The following CADM2 variants were observed in gnomAD, a reference collection of about 807,000 sequenced individuals.
CADM2 encodes the protein cell adhesion molecule 2.
In CADM2, 12 loss-of-function variants were observed where a neutral mutation model predicts 49.8. The ratio of observed to expected loss-of-function variants is 0.24; its 90% CI spans 0.15 to 0.39. CADM2 has a LOEUF of 0.39. CADM2 is among the 10% of genes least tolerant of loss of function. The pLI, the probability that CADM2 is intolerant of heterozygous loss-of-function variation, is 1.00. For missense variants in CADM2, 378 were observed against 492.3 expected (o/e 0.77, Z 2.20); for synonymous variants, 214 against 175.4 (o/e 1.22, Z -1.74).
rs1385723987 is a variant in CADM2, at chr3:85,978,766, G to A, written c.970+17119G>A. Among the ~76,000 whole-genome samples, 3 of 151,470 alleles carry A rather than the reference G, an allele frequency of 2.0e-5. No individual in the cohort carries two copies. In the Admixed American group the frequency reaches 2.0e-4, roughly 10 times the overall value. On this transcript the variant is annotated intron_variant, in intron 8 of 9. Transcript: ENST00000383699. ...CGTTAACATTTTGTTAATCTTATAT[G>A]GTGGTATATGTGTTTATTTCTGTAT... is the stretch of plus-strand genomic sequence containing the variant.
At chr3:85,101,828 T>A (rs1217557986) in intron 1 of CADM2, among the ~76,000 whole-genome samples, 1 of 152,194 alleles carries the variant, frequency 6.6e-6, no homozygotes, top group Non-Finnish European at 1.5e-5. Context: ...GGATTTTGTG[T>A]ACAGACACTT....
chr3:85,249,155 C>T (rs547395289), intron 1 of CADM2, among the ~76,000 whole-genome samples: 15 of 152,064 alleles, frequency 9.9e-5, no homozygotes, highest in African/African-American at 3.6e-4. Context: ...TTGATTGCAA[C>T]CTAATATTTT....
chr3:85,254,660 G>A (rs763991126), intron 1 of CADM2, among the ~76,000 whole-genome samples: 6 of 152,118 alleles, frequency 3.9e-5, no homozygotes, highest in Non-Finnish European at 7.4e-5. Context: ...ATGAATGTGA[G>A]AAGGGTGTGA....
At chr3:85,572,686 T>G (rs2062514440) in intron 1 of CADM2, among the ~76,000 whole-genome samples, 1 of 152,198 alleles carries the variant, frequency 6.6e-6, no homozygotes, top group Admixed American at 6.5e-5. Context: ...CACTAGTCTT[T>G]AAGTCCTGGA....
At position 85,375,082 on chromosome 3, in the gene CADM2, C is replaced by T. The variant is rs149185497; in HGVS notation, c.62-351440C>T. 2.6e-3 allele frequency among the ~76,000 whole-genome samples: 396 copies of T among 152,234 alleles called. 3 individuals are homozygous for T. The highest frequency in any genetic ancestry group is 9.1e-3 in the African/African-American group (376 of 41,532). On this transcript the variant is annotated intron_variant, in intron 1 of 9. Coordinates refer to ENST00000383699, the MANE Select transcript of CADM2 (RefSeq NM_001167675.2). ...ATTACTGTGTGTCAGTTACAGATTG[C>T]TAAATATGTGATTTAATACATATTT...
intron 1 of CADM2, among the ~76,000 whole-genome samples, chr3:85,620,856 CT>C (rs1261965692): frequency 6.6e-6 from 1 of 152,126 alleles, no homozygotes; most frequent in Non-Finnish European, 1.5e-5. Flanking sequence ...TAGTCTCTAA[CT>C]TTAACCAAGT....
intron 1 of CADM2, among the ~76,000 whole-genome samples, chr3:85,350,968 A>C (rs2107236578): frequency 6.6e-6 from 1 of 152,308 alleles, no homozygotes; most frequent in African/African-American, 2.4e-5. Flanking sequence ...ACATTTTCAA[A>C]GAACAAGAAA....
At chr3:85,224,591 A>C (rs1441110773) in intron 1 of CADM2, among the ~76,000 whole-genome samples, 1 of 152,104 alleles carries the variant, frequency 6.6e-6, no homozygotes, top group Non-Finnish European at 1.5e-5. Context: ...GCTGTGCAGA[A>C]GCTCTTTAGT....
intron 1 of CADM2, among the ~76,000 whole-genome samples, chr3:84,974,415 G>C (rs1353245793): frequency 6.6e-6 from 1 of 151,960 alleles, no homozygotes; most frequent in African/African-American, 2.4e-5. Context: ...TTTAATTCAA[G>C]TAAATGCAGT....
chr3:85,601,332 T>C (rs1362061063), intron 1 of CADM2, among the ~76,000 whole-genome samples: 2 of 150,588 alleles, frequency 1.3e-5, no homozygotes, highest in Non-Finnish European at 3.0e-5. Context: ...TTTTCTCTTT[T>C]ACTGAGAGAA....
At chr3:85,342,926 C>T (rs1287037224) in intron 1 of CADM2, among the ~76,000 whole-genome samples, 1 of 152,142 alleles carries the variant, frequency 6.6e-6, no homozygotes, top group Non-Finnish European at 1.5e-5. Context: ...CTGAACTTCA[C>T]ATTATAGAAT....
rs1270301222 is a variant in CADM2 at position 85,417,346 on chromosome 3, A to C, written c.62-309176A>C. On this transcript the variant is annotated intron_variant, in intron 1 of 9. Coordinates refer to ENST00000383699, the MANE Select transcript of CADM2 (RefSeq NM_001167675.2). ...CAGTTTCTATGCTACTGCTATCACC[A>C]CCTCCTGAAATGTACCCTGCACACA... Among the ~76,000 whole-genome samples the C allele has an allele frequency of 4.6e-5, 7 of 152,168 alleles. No individual in the cohort carries two copies. In the South Asian group the frequency reaches 1.4e-3, roughly 32 times the overall value.
chr3:85,010,488 T>G (rs928798472), intron 1 of CADM2, among the ~76,000 whole-genome samples: 7 of 152,180 alleles, frequency 4.6e-5, no homozygotes, highest in South Asian at 4.1e-4. Flanking sequence ...ACCTATAATA[T>G]TCCATAATTC....
intron 8 of CADM2, among the ~76,000 whole-genome samples, chr3:86,000,855 A>G (rs559694210): frequency 6.6e-6 from 1 of 152,262 alleles, no homozygotes; most frequent in South Asian, 2.1e-4. Flanking sequence ...TGATTAAGGA[A>G]GAGGGAAAGA....
intron 1 of CADM2, among the ~76,000 whole-genome samples, chr3:85,096,323 A>G (rs2037792700): frequency 6.6e-6 from 1 of 152,088 alleles, no homozygotes; most frequent in East Asian, 1.9e-4. Flanking sequence ...AGAGGTGAAG[A>G]ATTCCCAGGC....
chr3:85,226,852 A>G (rs1159797455), intron 1 of CADM2, among the ~76,000 whole-genome samples: 1 of 152,140 alleles, frequency 6.6e-6, no homozygotes. Flanking sequence ...GTTTCAAAGA[A>G]CATCTTTATT....
At chr3:85,582,764 A>G (rs1304276201) in intron 1 of CADM2, among the ~76,000 whole-genome samples, 1 of 152,152 alleles carries the variant, frequency 6.6e-6, no homozygotes, top group Admixed American at 6.6e-5. Flanking sequence ...TAGACAACAG[A>G]AAGTACTAAA....
intron 1 of CADM2, among the ~76,000 whole-genome samples, chr3:85,398,955 C>T (rs1035598618): frequency 2.6e-5 from 4 of 151,630 alleles, no homozygotes; most frequent in Non-Finnish European, 5.9e-5. Flanking sequence ...TGTAGACTGC[C>T]TGTTCACTCT....
At chr3:85,241,293 A>G (rs2042524326) in intron 1 of CADM2, among the ~76,000 whole-genome samples, 2 of 151,700 alleles carry the variant, frequency 1.3e-5, no homozygotes, top group South Asian at 2.1e-4. Context: ...TTATGATAGG[A>G]CATTCATTGT....
Sources: gnomAD v4.1 joint callset for allele counts (sites outside exome capture counted in the v4.1 genomes callset) on GRCh38, gnomAD v4.1.1 for gene constraint, MANE v1.5 for transcripts, NCBI Gene and HGNC (gene_info 2026-07-23, HGNC 2026-07-21) for gene names.